The following RABGAP1L variants were observed in gnomAD, a reference collection of about 807,000 sequenced individuals.
The protein encoded by RABGAP1L is rab GTPase-activating protein 1-like.
Under a neutral mutation model 137.7 loss-of-function variants are expected in RABGAP1L, and 63 were observed. The observed-to-expected ratio is 0.46, with a 90% CI of 0.37 to 0.56. The LOEUF (loss-of-function observed/expected upper bound fraction) is 0.56. Ranked by LOEUF, RABGAP1L falls within the 20% of genes least tolerant of loss-of-function variation. The pLI, the probability that RABGAP1L is intolerant of heterozygous loss-of-function variation, is 0.00. For synonymous variants in RABGAP1L, 431 were observed against 433.7 expected, an observed-to-expected ratio of 0.99 and a Z score of 0.08; for missense variants, 1,095 against 1,244.0, an observed-to-expected ratio of 0.88 and a Z score of 1.80.
intron 18 of RABGAP1L, among the ~76,000 whole-genome samples, chr1:174,778,530 T>C (rs1686712078): frequency 6.6e-6 from 1 of 152,198 alleles, no homozygotes; most frequent in African/African-American, 2.4e-5. Flanking sequence ...CTTCAGGTCC[T>C]TTCTTTGCTT....
chr1:174,654,732 C>T (rs186541179), intron 14 of RABGAP1L, among the ~76,000 whole-genome samples: 2 of 152,042 alleles, frequency 1.3e-5, no homozygotes, highest in Admixed American at 1.3e-4. Context: ...TTTTTCTTTG[C>T]AATGTTACAT....
At chr1:174,908,914 C>A (rs1404109220) in intron 19 of RABGAP1L, among the ~76,000 whole-genome samples, 1 of 150,588 alleles carries the variant, frequency 6.6e-6, no homozygotes, top group African/African-American at 2.4e-5. Flanking sequence ...TGGCTCACAC[C>A]TGTAATCCCA....
chr1:174,749,613 A>C (rs1180931902), intron 17 of RABGAP1L, among the ~76,000 whole-genome samples: 1 of 152,212 alleles, frequency 6.6e-6, no homozygotes, highest in East Asian at 1.9e-4. Context: ...TGGAATCAAC[A>C]GAAAGGAGTG....
At chr1:174,631,881 T>G (rs10912827) in intron 13 of RABGAP1L, among the ~76,000 whole-genome samples, 53,260 of 145,058 alleles carry the variant, frequency 0.37, 12,893 homozygotes, top group African/African-American at 0.69. Flanking sequence ...TTGGAGAATT[T>G]AGTCCATTTA....
intron 17 of RABGAP1L, among the ~76,000 whole-genome samples, chr1:174,730,460 T>A (rs1382887502): frequency 6.6e-6 from 1 of 152,168 alleles, no homozygotes; most frequent in East Asian, 1.9e-4. Flanking sequence ...ATCCCCTGAA[T>A]CTAAAATAAA....
intron 18 of RABGAP1L, among the ~76,000 whole-genome samples, chr1:174,792,146 G>A (rs970567624): frequency 1.3e-5 from 2 of 152,310 alleles, no homozygotes; most frequent in African/African-American, 4.8e-5. Context: ...GTTTTATGAT[G>A]ATGAGCAGTC....
intron 15 of RABGAP1L, among the ~76,000 whole-genome samples, chr1:174,699,110 C>T (rs780809144): frequency 1.3e-5 from 2 of 152,028 alleles, no homozygotes; most frequent in Non-Finnish European, 2.9e-5. Flanking sequence ...CCTTCCACCT[C>T]ATCCTCCCAA....
At chr1:174,519,185 A>AATAT (rs946882896) in intron 13 of RABGAP1L, among the ~76,000 whole-genome samples, 1 of 149,792 alleles carries the variant, frequency 6.7e-6, no homozygotes, top group African/African-American at 2.5e-5. Flanking sequence ...CCCATGTGTA[A>AATAT]ATATATATAT....
intron 6 of RABGAP1L, among the ~76,000 whole-genome samples, 154 bp downstream of exon 6, chr1:174,250,786 A>G (rs1672649892): frequency 2.0e-5 from 3 of 152,230 alleles, no homozygotes; most frequent in African/African-American, 7.2e-5. Flanking sequence ...TGTGCTTGTC[A>G]GATATTTCTT....
chr1:174,799,550 C>T (rs1200765584), intron 18 of RABGAP1L, among the ~76,000 whole-genome samples: 1 of 152,102 alleles, frequency 6.6e-6, no homozygotes. Flanking sequence ...GTTCATCTCT[C>T]TGTGGCTTAG....
Position 174,504,051 on chromosome 1 carries a change from C to CA in RABGAP1L, c.1710+109909dup, listed in dbSNP as rs1661592063. Reference sequence around the variant, plus strand: ...GCAGTGGTGTAATCTCGGCTCACCACAAACGCCGCCTTCAGAGCTCAAGCC... The same window carrying CA: ...GCAGTGGTGTAATCTCGGCTCACCACAAAACGCCGCCTTCAGAGCTCAAGCC... On this transcript the variant is annotated intron_variant, in intron 13 of 25. Coordinates refer to ENST00000681986, the MANE Select transcript of RABGAP1L (RefSeq NM_001366446.1). 2.6e-5 allele frequency among the ~76,000 whole-genome samples: 4 copies of CA among 151,578 alleles called. No individual in the cohort carries two copies. In the South Asian group the frequency reaches 8.4e-4, roughly 32 times the overall value.
At chr1:174,965,666 C>G (rs1352972817) in intron 20 of RABGAP1L, among the ~76,000 whole-genome samples, 2 of 152,138 alleles carry the variant, frequency 1.3e-5, no homozygotes, top group African/African-American at 4.8e-5. Context: ...TAGCACTCAC[C>G]CTGGGTTCAT....
chr1:174,476,770 A>C (rs1658553173), intron 13 of RABGAP1L, among the ~76,000 whole-genome samples: 1 of 152,202 alleles, frequency 6.6e-6, no homozygotes, highest in Non-Finnish European at 1.5e-5. Flanking sequence ...CAGCAGCACA[A>C]ACCAAACCTT....
Position 174,551,019 on chromosome 1 carries a change from T to TATATATATATATATATATATAC in RABGAP1L, c.1711-86353_1711-86352insTATATATATATATATATACATA, listed in dbSNP as rs1553330337. ...ATACACATATATATATATATATATATATACATACACACACACACATATATA... is the reference window on the plus strand; with the variant it reads ...ATACACATATATATATATATATATATATATATATATATATATATATACATACATACACACACACACATATATA... On this transcript the variant is annotated intron_variant, in intron 13 of 25. Coordinates refer to ENST00000681986, the MANE Select transcript of RABGAP1L (RefSeq NM_001366446.1). Among the ~76,000 whole-genome samples, 7 of 116,002 alleles carry TATATATATATATATATATATAC rather than the reference T, an allele frequency of 6.0e-5. 1 individual carries two copies. The highest frequency in any genetic ancestry group is 2.7e-4 in the African/African-American group (7 of 25,706). 76.1% of individuals were successfully genotyped at this position (116,002 alleles called of 152,430 possible).
At chr1:174,279,719 C>T (rs1675328268) in intron 10 of RABGAP1L, among the ~76,000 whole-genome samples, 3 of 152,166 alleles carry the variant, frequency 2.0e-5, no homozygotes, top group South Asian at 4.1e-4. Flanking sequence ...GCTTTTATAG[C>T]ATATTCTAAT....
chr1:174,929,226 A>G (rs117380532), intron 19 of RABGAP1L, among the ~76,000 whole-genome samples: 3,187 of 152,282 alleles, frequency 0.021, 53 homozygotes, highest in Middle Eastern at 0.078. Context: ...ATAATAAAAA[A>G]GAAGATTGGC....
At chr1:174,946,256 G>C (rs1297005332) in intron 19 of RABGAP1L, among the ~76,000 whole-genome samples, 1 of 152,146 alleles carries the variant, frequency 6.6e-6, no homozygotes, top group Non-Finnish European at 1.5e-5. Context: ...CTAGGTTTGA[G>C]AGCTATGCAT....
At chr1:174,361,064 G>A (rs1174548548) in intron 11 of RABGAP1L, among the ~76,000 whole-genome samples, 3 of 152,120 alleles carry the variant, frequency 2.0e-5, no homozygotes, top group Non-Finnish European at 4.4e-5. Context: ...GGCTGAGGCA[G>A]GAGAATGGCA....
chr1:174,672,699 A>T (rs745400825), intron 14 of RABGAP1L, among the ~76,000 whole-genome samples: 182 of 151,678 alleles, frequency 1.2e-3, no homozygotes, highest in Non-Finnish European at 2.2e-3. Flanking sequence ...TTTATTTATA[A>T]TTTTTTCATT....
Sources: allele counts gnomAD v4.1 joint callset (sites outside exome capture counted in the v4.1 genomes callset), GRCh38; gene constraint gnomAD v4.1.1; transcripts MANE v1.5; gene names NCBI Gene and HGNC (gene_info 2026-07-23, HGNC 2026-07-21).